The following SLC4A5 variants were observed in gnomAD, a reference collection of about 807,000 sequenced individuals.
SLC4A5 encodes the protein solute carrier family 4 member 5.
SLC4A5 carries 96 observed loss-of-function variants against 120.4 expected under a neutral mutation model. That is an observed-to-expected ratio of 0.80 (90% CI 0.68 to 0.94). SLC4A5 has a LOEUF of 0.94. Ranked by LOEUF, SLC4A5 falls within the 40% of genes least tolerant of loss-of-function variation. The pLI is 0.00. For synonymous variants in SLC4A5, 550 were observed against 571.1 expected, an observed-to-expected ratio of 0.96 and a Z score of 0.53; for missense variants, 1,259 against 1,459.5, an observed-to-expected ratio of 0.86 and a Z score of 2.24.
exon 21 of SLC4A5, chr2:74,239,421 G>C (rs765290549): frequency 1.2e-6 from 2 of 1,614,214 alleles, no homozygotes; most frequent in Non-Finnish European, 1.7e-6. Context: ...AAGGACATGA[G>C]CGCCAGGTCT....
chr2:74,217,050 T>G (rs1694467051), exon 31 of SLC4A5: 1 of 152,174 alleles, frequency 6.6e-6, no homozygotes, highest in Non-Finnish European at 1.5e-5. Context: ...AAACACTTAT[T>G]GAGAGCTTTC....
At chr2:74,267,506 G>A (rs548600418) in intron 8 of SLC4A5, among the ~76,000 whole-genome samples, 5 of 152,208 alleles carry the variant, frequency 3.3e-5, no homozygotes, top group South Asian at 2.1e-4. Flanking sequence ...CTGACAGGAC[G>A]GACACTACCA....
intron 18 of SLC4A5, 83 bp downstream of exon 18, chr2:74,248,270 T>C (rs1670681271): frequency 6.5e-7 from 1 of 1,543,510 alleles, no homozygotes; most frequent in Non-Finnish European, 8.8e-7. Flanking sequence ...CCACCTACCC[T>C]TGGGACCTAT....
intron 15 of SLC4A5, 83 bp downstream of exon 15, chr2:74,252,891 G>A (rs1219290086): frequency 2.0e-6 from 3 of 1,508,686 alleles, no homozygotes; most frequent in Non-Finnish European, 2.8e-6. Flanking sequence ...CTGAGCCTCA[G>A]ATGTATTTTA....
At chr2:74,241,153 G>C (rs577390715) in intron 20 of SLC4A5, among the ~76,000 whole-genome samples, 1 of 152,192 alleles carries the variant, frequency 6.6e-6, no homozygotes, top group South Asian at 2.1e-4. Context: ...AGAGAAGGAA[G>C]AAGGCAGAAA....
At chr2:74,313,790 C>T (rs3771738) in intron 6 of SLC4A5, among the ~76,000 whole-genome samples, 19,064 of 152,158 alleles carry the variant, frequency 0.13, 1,588 homozygotes, top group East Asian at 0.47. Context: ...AAGGGCTTAG[C>T]ATATTTGGGT....
rs370334933 is a variant in SLC4A5, at chr2:74,254,587, T to C, written c.1113+32A>G. On this transcript the variant is annotated intron_variant, in intron 14 of 30. Coordinates refer to ENST00000394019, the Ensembl canonical transcript of SLC4A5. The stretch of plus-strand genomic sequence containing the variant: ...AGTGCTTGGTGCAGGAGCTGTAAAA[T>C]TCAGGAGTACAAGCTTCTGGTTACC... 1.9e-6 allele frequency: 3 copies of C among 1,562,966 alleles called. No individual in the cohort carries two copies. The African/African-American group carries it at 4.1e-5, about 21-fold the overall frequency.
intron 6 of SLC4A5, among the ~76,000 whole-genome samples, chr2:74,309,182 G>A (rs1183410947): frequency 6.6e-6 from 1 of 151,842 alleles, no homozygotes; most frequent in African/African-American, 2.4e-5. Flanking sequence ...GCCTCCCAAA[G>A]TGCTGGGATT....
chr2:74,256,489 C>T (rs1170469955), intron 12 of SLC4A5, among the ~76,000 whole-genome samples: 1 of 152,216 alleles, frequency 6.6e-6, no homozygotes, highest in Non-Finnish European at 1.5e-5. Flanking sequence ...ACATTACCCC[C>T]AGGGGACCTC....
In SLC4A5 at chr2:74,254,725, A is replaced by G; in HGVS notation, c.1026-19T>C. On this transcript the variant is annotated intron_variant, in intron 13 of 30. Transcript: ENST00000394019. ...CAGAAATCTGCAAAGAAGATGGAGG[A>G]GGAGACAGAGAAGATTAAGGAAGAG... 6.4e-7 allele frequency: 1 copy of G among 1,556,958 alleles called. No individual in the cohort carries two copies. Among genetic ancestry groups the G allele is most frequent in the Non-Finnish European group, 8.9e-7 (1 of 1,128,424 alleles).
At chr2:74,303,695 T>C (rs1672545683) in intron 7 of SLC4A5, among the ~76,000 whole-genome samples, 1 of 152,168 alleles carries the variant, frequency 6.6e-6, no homozygotes, top group African/African-American at 2.4e-5. Flanking sequence ...GGAAGAAAGC[T>C]TCCTAGGTGT....
rs1670921442 is a variant in SLC4A5, at chr2:74,255,142, C to A, written c.1026-436G>T. Among the ~76,000 whole-genome samples, 1 of 151,942 alleles carries A rather than the reference C, an allele frequency of 6.6e-6. No homozygotes were observed. Among genetic ancestry groups the A allele is most frequent in the African/African-American group, 2.4e-5 (1 of 41,352 alleles). On this transcript the variant is annotated intron_variant, in intron 13 of 30. Coordinates refer to ENST00000394019, the Ensembl canonical transcript of SLC4A5. The surrounding 1 kb of genome is among the most constrained non-coding windows in gnomAD (Gnocchi z 4.0). ...GGCCCATTCTTAACTTTTTTACTTC[C>A]CTCCATGGAACCCTATGTTTGCTTT... is the stretch of plus-strand genomic sequence containing the variant.
chr2:74,244,906 G>T (rs1670562973), intron 19 of SLC4A5, among the ~76,000 whole-genome samples: 1 of 152,184 alleles, frequency 6.6e-6, no homozygotes, highest in Non-Finnish European at 1.5e-5. Context: ...AAGCCAGAGG[G>T]GAAGCTATTT....
At chr2:74,233,930 G>A (rs1329044222) in intron 22 of SLC4A5, among the ~76,000 whole-genome samples, 1 of 152,192 alleles carries the variant, frequency 6.6e-6, no homozygotes, top group Non-Finnish European at 1.5e-5. Context: ...GGTGGGCCCA[G>A]GGCCAGCTGC....
intron 19 of SLC4A5, among the ~76,000 whole-genome samples, chr2:74,246,442 C>T (rs1213119778): frequency 6.6e-6 from 1 of 152,214 alleles, no homozygotes; most frequent in Non-Finnish European, 1.5e-5. Flanking sequence ...AGAGGGTGAA[C>T]ACAGCTCCTT....
At chr2:74,338,163 G>A (rs1168830939) in intron 3 of SLC4A5, among the ~76,000 whole-genome samples, 1 of 152,194 alleles carries the variant, frequency 6.6e-6, no homozygotes, top group Non-Finnish European at 1.5e-5. Context: ...GGATAATGGT[G>A]TGGCCCAGGT....
intron 7 of SLC4A5, among the ~76,000 whole-genome samples, chr2:74,290,054 C>T (rs959580694): frequency 3.3e-5 from 5 of 152,144 alleles, no homozygotes; most frequent in Admixed American, 6.5e-5. Flanking sequence ...CACCCCGACC[C>T]CAGCCACAGC....
Position 74,235,210 on chromosome 2 carries a change from C to G in SLC4A5, c.2324G>C (p.Arg775Pro). Residue 775 changes from arginine to proline, a missense_variant, in exon 22 of 31, where the codon CGG (arginine) becomes CCG (proline). By Grantham distance (103) the Arg-to-Pro change is moderately radical. Transcript: ENST00000394019. ...AATGGAAAAGTCAGCCACCAGGGCC[C>G]GGACCTGCAGACAGGAGATGAGCAA... 1.2e-6 allele frequency: 2 copies of G among 1,613,256 alleles called. No individual in the cohort carries two copies. The highest frequency in any genetic ancestry group is 8.5e-7 in the Non-Finnish European group (1 of 1,179,554).
chr2:74,304,674 G>A (rs780539680), exon 7 of SLC4A5: 10 of 1,612,340 alleles, frequency 6.2e-6, no homozygotes, highest in Non-Finnish European at 8.5e-6. Context: ...GTGGATAGGA[G>A]GGCATTCTGT....
Sources: allele counts gnomAD v4.1 joint callset (sites outside exome capture counted in the v4.1 genomes callset), GRCh38; gene constraint gnomAD v4.1.1; non-coding constraint Gnocchi (gnomAD v3.1); transcripts MANE v1.5; gene names NCBI Gene and HGNC (gene_info 2026-07-23, HGNC 2026-07-21).